SND1: variants seen among roughly 807,000 people sequenced by gnomAD.
SND1 encodes staphylococcal nuclease and tudor domain containing 1, also known as staphylococcal nuclease domain-containing protein 1.
A neutral mutation model predicts 121.7 loss-of-function variants in SND1; 38 were observed. The ratio of observed to expected loss-of-function variants is 0.31; its 90% CI spans 0.24 to 0.41. The LOEUF is 0.41. Among genes scored for constraint, SND1 ranks in the 10% least tolerant of loss-of-function variants. SND1 has a pLI of 1.00. For synonymous variants in SND1, 401 were observed against 447.4 expected (o/e 0.90, Z 1.31); for missense variants, 868 against 1,184.6 (o/e 0.73, Z 3.92).
chr7:127,994,581 A>C (rs965233114), intron 16 of SND1, among the ~76,000 whole-genome samples: 3 of 131,912 alleles, frequency 2.3e-5, no homozygotes, highest in Non-Finnish European at 3.3e-5. Context: ...AAAAAAAAAA[A>C]AAAACAGTAA....
At chr7:127,889,335 G>C (rs1048832327) in intron 13 of SND1, among the ~76,000 whole-genome samples, 2 of 151,514 alleles carry the variant, frequency 1.3e-5, no homozygotes, top group Non-Finnish European at 2.9e-5. Flanking sequence ...GATTTCTCAT[G>C]ATCTTGGTTC....
chr7:128,000,870 T>C (rs1802810971), intron 16 of SND1, among the ~76,000 whole-genome samples: 2 of 152,230 alleles, frequency 1.3e-5, no homozygotes, highest in African/African-American at 2.4e-5. Context: ...AAGCAGACTG[T>C]AGATGGCATT....
At chr7:127,876,054 G>C (rs562449031) in intron 12 of SND1, among the ~76,000 whole-genome samples, 1 of 152,260 alleles carries the variant, frequency 6.6e-6, no homozygotes, top group Non-Finnish European at 1.5e-5. Context: ...GTTTAGAATA[G>C]TGCTCAGTAA....
At chr7:128,006,265 C>T (rs1442440924) in intron 16 of SND1, among the ~76,000 whole-genome samples, 1 of 152,060 alleles carries the variant, frequency 6.6e-6, no homozygotes, top group African/African-American at 2.4e-5. Context: ...TGTTCAGCCT[C>T]ACTGGGAACA....
At chr7:127,728,257 A>G (rs1335572174) in intron 10 of SND1, among the ~76,000 whole-genome samples, 1 of 151,264 alleles carries the variant, frequency 6.6e-6, no homozygotes, top group East Asian at 1.9e-4. Flanking sequence ...ACAATCTCCT[A>G]GTCTTGGTGG....
At chr7:127,954,369 A>G (rs1423979797) in intron 15 of SND1, among the ~76,000 whole-genome samples, 1 of 152,156 alleles carries the variant, frequency 6.6e-6, no homozygotes, top group African/African-American at 2.4e-5. Context: ...CCTTATTATT[A>G]CCTGCTTGGG....
Position 128,029,539 on chromosome 7 carries a change from G to A in SND1, c.1779+38483G>A. The A allele has an allele frequency of 3.1e-6, 5 of 1,614,030 alleles. No individual in the cohort carries two copies. Among genetic ancestry groups the A allele is most frequent in the Non-Finnish European group, 4.2e-6 (5 of 1,180,016 alleles). Reference sequence around the variant, plus strand: ...GTCCGACACTTAAGTTCTGCCATCCGACCCTCAGAAATGTTGAGGTCTCGA... The same window carrying A: ...GTCCGACACTTAAGTTCTGCCATCCAACCCTCAGAAATGTTGAGGTCTCGA... On this transcript the variant is annotated intron_variant, in intron 16 of 23. Coordinates refer to ENST00000354725, the MANE Select transcript of SND1 (RefSeq NM_014390.4). The surrounding 1 kb of genome is among the most constrained non-coding windows in gnomAD (Gnocchi z 4.2).
chr7:128,030,748 A>G, intron 16 of SND1: 12 of 1,383,814 alleles, frequency 8.7e-6, no homozygotes, highest in Non-Finnish European at 1.2e-5. Context: ...CATCTGGAGA[A>G]GGAGGTGGGG....
At chr7:127,713,055 A>G (rs1796324208) in intron 9 of SND1, among the ~76,000 whole-genome samples, 2 of 152,258 alleles carry the variant, frequency 1.3e-5, no homozygotes, top group Non-Finnish European at 2.9e-5. Context: ...TCATTTTCTA[A>G]TATGTTGTAA....
chr7:127,930,159 A>G (rs904830488), intron 15 of SND1, among the ~76,000 whole-genome samples: 11 of 149,116 alleles, frequency 7.4e-5, no homozygotes, highest in Non-Finnish European at 1.5e-4. Flanking sequence ...ACCCTTGCAC[A>G]CACAAATATT....
chr7:127,744,135 G>A lies in SND1; in HGVS notation c.1152+22735G>A, dbSNP rs192069377. Among the ~76,000 whole-genome samples the A allele has an allele frequency of 8.8e-4, 134 of 152,136 alleles. 2 individuals are homozygous for A. Among genetic ancestry groups the A allele is most frequent in the African/African-American group, 3.1e-3 (129 of 41,508 alleles). ...CAAACATCTGTTTATTTAGCAAAGC[G>A]ATCATGAATATTCCCTTTGCAATTA... On this transcript the variant is annotated intron_variant, in intron 10 of 23. Transcript: ENST00000354725.
At chr7:127,964,636 C>T (rs1293908955) in intron 15 of SND1, among the ~76,000 whole-genome samples, 1 of 151,926 alleles carries the variant, frequency 6.6e-6, no homozygotes, top group Non-Finnish European at 1.5e-5. Flanking sequence ...GTACCAGTAC[C>T]ATGCTGTTTT....
At chr7:127,774,861 G>C (rs1266647103) in intron 10 of SND1, among the ~76,000 whole-genome samples, 2 of 152,236 alleles carry the variant, frequency 1.3e-5, no homozygotes, top group Non-Finnish European at 2.9e-5. Context: ...TTACAGGCAT[G>C]AGCCACTGTG....
intron 16 of SND1, among the ~76,000 whole-genome samples, chr7:128,072,881 C>T (rs1303212101): frequency 6.6e-6 from 1 of 152,232 alleles, no homozygotes; most frequent in Non-Finnish European, 1.5e-5. Flanking sequence ...GGTCCTTCAG[C>T]AGGTTAGTTG....
intron 14 of SND1, among the ~76,000 whole-genome samples, chr7:127,920,218 C>G (rs922994457): frequency 1.3e-5 from 2 of 152,064 alleles, no homozygotes; most frequent in Non-Finnish European, 2.9e-5. Flanking sequence ...TACTTGACCT[C>G]AAAGAGATAA....
At chr7:128,007,491 G>C (rs1803010554) in intron 16 of SND1, among the ~76,000 whole-genome samples, 1 of 152,212 alleles carries the variant, frequency 6.6e-6, no homozygotes, top group African/African-American at 2.4e-5. Flanking sequence ...ATGGCAAATA[G>C]TCCTGCTCCA....
At chr7:127,787,359 C>T (rs1031987567) in intron 10 of SND1, among the ~76,000 whole-genome samples, 2 of 152,180 alleles carry the variant, frequency 1.3e-5, no homozygotes, top group Non-Finnish European at 2.9e-5. Flanking sequence ...CTCAGCCTCC[C>T]AAGTACCTGG....
chr7:128,014,792 C>T (rs1238795015), intron 16 of SND1, among the ~76,000 whole-genome samples: 1 of 152,156 alleles, frequency 6.6e-6, no homozygotes, highest in Non-Finnish European at 1.5e-5. Flanking sequence ...CAATTTGTTA[C>T]CAGAGATGAA....
At chr7:127,830,601 C>G (rs1798721348) in intron 11 of SND1, among the ~76,000 whole-genome samples, 1 of 152,072 alleles carries the variant, frequency 6.6e-6, no homozygotes, top group Non-Finnish European at 1.5e-5. Flanking sequence ...ATATCCTTCT[C>G]TTAATGATCC....
Sources: gnomAD v4.1 joint callset for allele counts (sites outside exome capture counted in the v4.1 genomes callset) on GRCh38, gnomAD v4.1.1 for gene constraint, Gnocchi (gnomAD v3.1) non-coding constraint, MANE v1.5 for transcripts, NCBI Gene and HGNC (gene_info 2026-07-23, HGNC 2026-07-21) for gene names.